Variants in HGF observed in about 807,000 individuals in gnomAD.
HGF encodes the protein fibroblast-derived tumor cytotoxic factor.
A neutral mutation model predicts 111.6 loss-of-function variants in HGF; 39 were observed. The ratio of observed to expected loss-of-function variants is 0.35; its 90% CI spans 0.27 to 0.46. HGF has a LOEUF of 0.46. Among genes scored for constraint, HGF ranks in the 20% least tolerant of loss-of-function variants. The probability of loss-of-function intolerance (pLI) is 1.00; values close to 1 mark genes in which losing one functional copy is unlikely to be tolerated. For missense variants in HGF, 735 were observed against 910.5 expected (o/e 0.81, Z 2.48); for synonymous variants, 285 against 294.8 (o/e 0.97, Z 0.34).
chr7:81,713,989 C>CGTGTGTGTGT (rs10539468), intron 11 of HGF, among the ~76,000 whole-genome samples: 71 of 142,422 alleles, frequency 5.0e-4, no homozygotes, highest in African/African-American at 1.7e-3. Flanking sequence ...GGTGTGTGTG[C>CGTGTGTGTGT]GTGTGTGTGT....
At position 81,717,241 on chromosome 7, in the gene HGF, T is replaced by A. The variant is rs141487191; in HGVS notation, c.1396A>T (p.Ile466Phe). The change falls in exon 11 of 18, where the codon ATT (isoleucine) becomes TTT (phenylalanine). Residue 466 changes from isoleucine (I) to phenylalanine (F), a missense_variant. By Grantham distance (21) the Ile-to-Phe change is conservative. This residue lies in a region of HGF where 553 missense variants were observed against 685.6 expected (regional missense o/e 0.81). Coordinates refer to ENST00000222390, the MANE Select transcript of HGF (RefSeq NM_000601.6). ...NPLIPWDYCP[I>F]SRCEGDTTPT... ...CCCTAACTGTACTTACAACGAGAAA[T>A]AGGGCAATAATCCCAAGGAATGAGT... 4.2e-5 allele frequency: 67 copies of A among 1,613,422 alleles called. No individual in the cohort carries two copies. The highest frequency in any genetic ancestry group is 5.5e-5 in the Non-Finnish European group (65 of 1,179,566).
At position 81,757,254 on chromosome 7, in the gene HGF, T is replaced by C. The variant is rs1427375393; in HGVS notation, c.417A>G (p.Thr139=). The change falls in exon 4 of 18, where the codon ACA becomes ACG. Residue 139 remains threonine, a synonymous_variant. Coordinates refer to ENST00000222390, the MANE Select transcript of HGF (RefSeq NM_000601.6). ...TGATGCCACTCTTAGTGATAGATAC[T>C]GTTCCCTTGTAGCTGCGTCCTTTAC... ...IIGKGRSYKG[T]VSITKSGIKC... is the part of the protein sequence containing the mutation. The C allele has an allele frequency of 2.5e-6, 4 of 1,609,828 alleles. No individual in the cohort carries two copies. Among genetic ancestry groups the C allele is most frequent in the African/African-American group, 2.7e-5 (2 of 74,858 alleles).
intron 4 of HGF, chr7:81,756,067 C>G (rs1346498188): frequency 4.3e-6 from 3 of 701,408 alleles, no homozygotes; most frequent in Non-Finnish European, 7.8e-6. Context: ...ACCACCACTG[C>G]AAAAACAAAT....
intron 9 of HGF, 100 bp downstream of exon 9, chr7:81,725,790 A>G (rs1789989695): frequency 1.5e-6 from 2 of 1,325,394 alleles, no homozygotes; most frequent in Admixed American, 3.4e-5. Context: ...CAGCAAAACC[A>G]GTGCAGCAAG....
intron 8 of HGF, among the ~76,000 whole-genome samples, chr7:81,728,097 C>T (rs1230974261): frequency 2.6e-5 from 4 of 152,128 alleles, no homozygotes; most frequent in Admixed American, 6.5e-5. Context: ...AATAGAGACA[C>T]GTGACCAGTA....
intron 7 of HGF, among the ~76,000 whole-genome samples, chr7:81,737,459 G>C (rs1787868957): frequency 6.6e-6 from 1 of 152,024 alleles, no homozygotes; most frequent in African/African-American, 2.4e-5. Flanking sequence ...TGGGACACCT[G>C]AGGTTCCTGA....
At chr7:81,754,922 T>A (rs550885909) in intron 4 of HGF, among the ~76,000 whole-genome samples, 6 of 152,126 alleles carry the variant, frequency 3.9e-5, no homozygotes, top group Non-Finnish European at 7.4e-5. Context: ...ATACACTATT[T>A]TTGGTTCTCT....
chr7:81,706,073 TGTTA>T (rs1026440364), intron 15 of HGF, among the ~76,000 whole-genome samples: 19 of 152,062 alleles, frequency 1.2e-4, no homozygotes, highest in East Asian at 7.7e-4. Context: ...GTTGGCCCAA[TGTTA>T]GTTATTCATT....
chr7:81,718,028 AT>A (rs1789759364), intron 10 of HGF, among the ~76,000 whole-genome samples: 1 of 152,108 alleles, frequency 6.6e-6, no homozygotes, highest in African/African-American at 2.4e-5. Flanking sequence ...TAACATCAAT[AT>A]TTACATTTAC....
chr7:81,746,976 A>G (rs1289714089), intron 5 of HGF, among the ~76,000 whole-genome samples: 1 of 152,168 alleles, frequency 6.6e-6, no homozygotes, highest in African/African-American at 2.4e-5. Flanking sequence ...ACAAGCTCCC[A>G]GGCATTGCTG....
At chr7:81,718,203 G>C (rs1180207804) in intron 10 of HGF, among the ~76,000 whole-genome samples, 1 of 152,122 alleles carries the variant, frequency 6.6e-6, no homozygotes, top group South Asian at 2.1e-4. Context: ...GCTTGAACAT[G>C]GAAACTTGGA....
chr7:81,718,828 A>G (rs751030494), intron 10 of HGF, among the ~76,000 whole-genome samples: 31 of 152,210 alleles, frequency 2.0e-4, no homozygotes, highest in African/African-American at 7.2e-4. Flanking sequence ...CTTTTGAAAG[A>G]CGATGAGAAC....
At chr7:81,721,734 C>T (rs1470314094) in intron 9 of HGF, among the ~76,000 whole-genome samples, 1 of 152,180 alleles carries the variant, frequency 6.6e-6, no homozygotes, top group African/African-American at 2.4e-5. Flanking sequence ...CATCTTGTGA[C>T]ACATGATGTC....
chr7:81,744,866 C>T, intron 6 of HGF, 134 bp downstream of exon 6: 2 of 1,004,294 alleles, frequency 2.0e-6, no homozygotes, highest in Non-Finnish European at 3.0e-6. Context: ...CCTGAACATT[C>T]TGGGAGTTCT....
chr7:81,713,537 C>CAAA (rs11432359), intron 11 of HGF, among the ~76,000 whole-genome samples: 2 of 144,098 alleles, frequency 1.4e-5, no homozygotes, highest in African/African-American at 2.5e-5. Context: ...TACTCTGTCT[C>CAAA]AAAAAAAAAA....
At chr7:81,715,021 T>A (rs997177912) in intron 11 of HGF, among the ~76,000 whole-genome samples, 1 of 152,102 alleles carries the variant, frequency 6.6e-6, no homozygotes, top group Non-Finnish European at 1.5e-5. Flanking sequence ...AGTTTAAAAA[T>A]ATTAGTTGAA....
intron 10 of HGF, among the ~76,000 whole-genome samples, chr7:81,720,079 T>C: frequency 6.6e-6 from 1 of 152,178 alleles, no homozygotes; most frequent in Admixed American, 6.5e-5. Context: ...TTGTAAACAC[T>C]AGCACTATTG....
At chr7:81,723,924 A>G (rs996080009) in intron 9 of HGF, among the ~76,000 whole-genome samples, 3 of 151,844 alleles carry the variant, frequency 2.0e-5, no homozygotes, top group Non-Finnish European at 4.4e-5. Flanking sequence ...ATATATCTGT[A>G]TTTGAGAATT....
At chr7:81,749,463 C>A (rs1044088191) in intron 5 of HGF, among the ~76,000 whole-genome samples, 3 of 152,044 alleles carry the variant, frequency 2.0e-5, no homozygotes, top group African/African-American at 7.2e-5. Context: ...TTAAAACTGT[C>A]CAATAAAAGT....
Sources: gnomAD v4.1 joint callset for allele counts (sites outside exome capture counted in the v4.1 genomes callset) on GRCh38, gnomAD v4.1.1 for gene constraint, gnomAD v4.1.1 regional missense constraint, MANE v1.5 for transcripts, NCBI Gene and HGNC (gene_info 2026-07-23, HGNC 2026-07-21) for gene names.